Variants in GPRASP3 observed in about 807,000 individuals in gnomAD.
The protein encoded by GPRASP3 is G protein-coupled receptor associated sorting protein family member 3.
chrX:102,727,811 G>A, the GPRASP3 span, among the ~76,000 whole-genome samples: 1 of 112,643 alleles, frequency 8.9e-6, no homozygotes, highest in Non-Finnish European at 1.9e-5. Flanking sequence ...ATATCAAATA[G>A]TTTTCTCAGT....
the GPRASP3 span, among the ~76,000 whole-genome samples, chrX:102,736,621 C>T: frequency 9.0e-6 from 1 of 111,127 alleles, no homozygotes; most frequent in Non-Finnish European, 1.9e-5. Context: ...CAAGACAGTA[C>T]AATGATTTTA....
the GPRASP3 span, among the ~76,000 whole-genome samples, chrX:102,729,919 G>C: frequency 1.8e-5 from 2 of 111,850 alleles, no homozygotes; most frequent in Non-Finnish European, 3.8e-5. Context: ...TTGAGTAGCA[G>C]TCCCCAATCT....
chrX:102,745,644 T>C, the GPRASP3 span, among the ~76,000 whole-genome samples: 20 of 111,206 alleles, frequency 1.8e-4, no homozygotes, highest in African/African-American at 6.2e-4. Flanking sequence ...CAGTCCCTGG[T>C]TGGGGAGTTG....
At chrX:102,749,954 T>C in the GPRASP3 span, 3 of 1,209,432 alleles carry the variant, frequency 2.5e-6, no homozygotes, top group Non-Finnish European at 3.4e-6. Context: ...GAATGCTATA[T>C]GGATTCTGAG....
At chrX:102,749,660 A>G in the GPRASP3 span, 21 of 1,209,664 alleles carry the variant, frequency 1.7e-5, no homozygotes, top group African/African-American at 1.2e-4. Flanking sequence ...ATCTGGCCCA[A>G]TGCCCCTGCT....
chrX:102,750,866 G>A, the GPRASP3 span: 3 of 292,147 alleles, frequency 1.0e-5, no homozygotes, highest in African/African-American at 8.3e-5. Flanking sequence ...ACTTAAGATA[G>A]CAAACCAGTT....
chrX:102,736,353 T>TTA, the GPRASP3 span, among the ~76,000 whole-genome samples: 1 of 112,286 alleles, frequency 8.9e-6, no homozygotes, highest in Admixed American at 9.4e-5. Flanking sequence ...TAGAGCTCTT[T>TTA]TATATAAACA....
chrX:102,731,674 C>T, the GPRASP3 span, among the ~76,000 whole-genome samples: 5 of 110,361 alleles, frequency 4.5e-5, no homozygotes, highest in East Asian at 2.9e-4. Flanking sequence ...AAGGGGAGTA[C>T]GCTTGGAAGA....
the GPRASP3 span, among the ~76,000 whole-genome samples, chrX:102,740,824 C>T: frequency 3.5e-5 from 3 of 85,933 alleles, no homozygotes; most frequent in African/African-American, 1.3e-4. Context: ...GAATTGATCA[C>T]AAGAAAAAGA....
At chrX:102,721,532 T>TAG in the GPRASP3 span, among the ~76,000 whole-genome samples, 2 of 110,923 alleles carry the variant, frequency 1.8e-5, no homozygotes, top group Non-Finnish European at 1.9e-5. Flanking sequence ...GGAGGAGACA[T>TAG]AGACTCGAGG....
the GPRASP3 span, among the ~76,000 whole-genome samples, chrX:102,735,450 G>T: frequency 9.6e-6 from 1 of 104,361 alleles, no homozygotes; most frequent in Non-Finnish European, 2.0e-5. Flanking sequence ...TCTTGCCCAG[G>T]CTGGAGTGCA....
At chrX:102,749,656 C>T in the GPRASP3 span, 7 of 1,210,997 alleles carry the variant, frequency 5.8e-6, no homozygotes, top group Non-Finnish European at 7.8e-6. Flanking sequence ...AACTATCTGG[C>T]CCAATGCCCC....
chrX:102,733,800 G>A, the GPRASP3 span, among the ~76,000 whole-genome samples: 1 of 110,377 alleles, frequency 9.1e-6, no homozygotes, highest in Non-Finnish European at 1.9e-5. Context: ...ACTCGCATCC[G>A]TGTGAAGAGA....
the GPRASP3 span, among the ~76,000 whole-genome samples, chrX:102,733,822 G>A: frequency 9.1e-6 from 1 of 110,468 alleles, no homozygotes; most frequent in South Asian, 3.9e-4. Flanking sequence ...CACCAAACAG[G>A]CTTTGTGTGA....
At chrX:102,734,220 G>C in the GPRASP3 span, among the ~76,000 whole-genome samples, 4,606 of 111,893 alleles carry the variant, frequency 0.041, 215 homozygotes, top group African/African-American at 0.14. Context: ...GGCTTAGCTT[G>C]GGCTCAGAGG....
chrX:102,724,718 G>GGTGTGTGT, the GPRASP3 span, among the ~76,000 whole-genome samples: 9,044 of 98,628 alleles, frequency 0.092, 456 homozygotes, highest in African/African-American at 0.16. Flanking sequence ...CAGGGTGACT[G>GGTGTGTGT]GTGTGTGTGT....
the GPRASP3 span, chrX:102,751,520 C>G: frequency 4.9e-5 from 6 of 123,370 alleles, no homozygotes; most frequent in African/African-American, 1.9e-4. Flanking sequence ...ACACCAGAAC[C>G]CATCTCACCA....
At chrX:102,739,023 T>A in the GPRASP3 span, among the ~76,000 whole-genome samples, 2 of 111,280 alleles carry the variant, frequency 1.8e-5, no homozygotes, top group Non-Finnish European at 3.8e-5. Flanking sequence ...GAGAGACAAA[T>A]GGTTGCATTC....
chrX:102,752,593 C>T, the GPRASP3 span: 2 of 123,543 alleles, frequency 1.6e-5, no homozygotes, highest in African/African-American at 3.2e-5. Context: ...TAACACTTAT[C>T]TTTTCAATTT....
Sources: allele counts gnomAD v4.1 joint callset (sites outside exome capture counted in the v4.1 genomes callset), GRCh38; gene constraint gnomAD v4.1.1; transcripts MANE v1.5; gene names NCBI Gene and HGNC (gene_info 2026-07-23, HGNC 2026-07-21).